ACACA: variants seen among roughly 807,000 people sequenced by gnomAD.
The protein encoded by ACACA is acetyl-CoA carboxylase 1.
A neutral mutation model predicts 296.1 loss-of-function variants in ACACA; 103 were observed. That is an observed-to-expected ratio of 0.35 (90% CI 0.30 to 0.41). ACACA has a LOEUF of 0.41. Ranked by LOEUF, ACACA falls within the 10% of genes least tolerant of loss-of-function variation. ACACA has a pLI of 1.00. For missense variants in ACACA, 1,554 were observed against 2,989.7 expected (o/e 0.52, Z 11.20); for synonymous variants, 953 against 1,038.6 (o/e 0.92, Z 1.58).
chr17:37,314,829 C>T (rs1324034893), intron 3 of ACACA, among the ~76,000 whole-genome samples: 2 of 150,382 alleles, frequency 1.3e-5, no homozygotes, highest in Non-Finnish European at 3.0e-5. Flanking sequence ...TTAGTAGAGA[C>T]GTGGTTTCAC....
At chr17:37,171,479 T>C (rs2144665602) in intron 41 of ACACA, among the ~76,000 whole-genome samples, 1 of 152,254 alleles carries the variant, frequency 6.6e-6, no homozygotes, top group African/African-American at 2.4e-5. Flanking sequence ...CTTCACATGA[T>C]CACAGAACAC....
At chr17:37,365,775 C>T in intron 1 of ACACA, 1 of 977,288 alleles carries the variant, frequency 1.0e-6, no homozygotes, top group Non-Finnish European at 1.2e-6. Context: ...TAGAATTGCA[C>T]AATGAAGGAC....
intron 47 of ACACA, among the ~76,000 whole-genome samples, chr17:37,128,932 C>T (rs886128716): frequency 6.6e-6 from 1 of 152,216 alleles, no homozygotes; most frequent in Non-Finnish European, 1.5e-5. Context: ...AAGTCATATT[C>T]TACACTGAAG....
At chr17:37,251,014 G>A (rs561917577) in intron 16 of ACACA, among the ~76,000 whole-genome samples, 26 of 152,260 alleles carry the variant, frequency 1.7e-4, no homozygotes, top group East Asian at 7.7e-4. Context: ...GCATCAGTGC[G>A]AGACTCTGTC....
chr17:37,369,129 T>C (rs1164747114), intron 1 of ACACA, among the ~76,000 whole-genome samples: 1 of 152,172 alleles, frequency 6.6e-6, no homozygotes, highest in Non-Finnish European at 1.5e-5. Context: ...AGATGATTGC[T>C]ACATGAAGAA....
At chr17:37,244,223 G>A (rs889533655) in intron 21 of ACACA, among the ~76,000 whole-genome samples, 11 of 151,222 alleles carry the variant, frequency 7.3e-5, no homozygotes, top group East Asian at 1.9e-4. Flanking sequence ...AAAATTAGCC[G>A]CGCCTGGTGG....
chr17:37,363,184 T>C lies in ACACA; in HGVS notation c.39-23334A>G, dbSNP rs578052579. Among the ~76,000 whole-genome samples, 316 of 120,448 alleles carry C rather than the reference T, an allele frequency of 2.6e-3. 4 individuals carry two copies. The highest frequency in any genetic ancestry group is 0.019 in the Admixed American group (232 of 12,066). The allele number at this position is 120,448 out of a possible 152,430, so 79.0% of individuals were successfully genotyped here. ...TCTTTTCTCTTTCTCTTTTTCTTTT[T>C]TTTTTTTTTTTTTTTTTTGAGACGG... is the stretch of plus-strand genomic sequence containing the variant. On this transcript the variant is annotated intron_variant, in intron 1 of 55. Coordinates refer to ENST00000616317, the MANE Select transcript of ACACA (RefSeq NM_198834.3).
chr17:37,111,161 A>G (rs2073952544), intron 52 of ACACA, among the ~76,000 whole-genome samples: 1 of 152,090 alleles, frequency 6.6e-6, no homozygotes, highest in Non-Finnish European at 1.5e-5. Context: ...TCAGAAATGA[A>G]GTGAGCTGTC....
intron 35 of ACACA, among the ~76,000 whole-genome samples, chr17:37,199,390 C>A (rs1286976860): frequency 1.3e-5 from 2 of 152,114 alleles, no homozygotes; most frequent in Non-Finnish European, 1.5e-5. Context: ...GGATTTCTGG[C>A]CTTACTGTTG....
intron 1 of ACACA, among the ~76,000 whole-genome samples, chr17:37,343,713 A>C (rs1273441654): frequency 6.6e-6 from 1 of 151,710 alleles, no homozygotes; most frequent in Admixed American, 6.6e-5. Flanking sequence ...GCAGTGAGCC[A>C]AGATTGTACC....
chr17:37,371,617 C>T (rs1285493724), intron 1 of ACACA, among the ~76,000 whole-genome samples: 3 of 151,830 alleles, frequency 2.0e-5, no homozygotes, highest in Admixed American at 6.6e-5. Flanking sequence ...AAAACGGCCG[C>T]GGCCAGGCCG....
In ACACA at chr17:37,210,498, T is replaced by C; in HGVS notation, c.3684-8A>G. 1 of 1,611,726 alleles carries C rather than the reference T, an allele frequency of 6.2e-7. No individual in the cohort carries two copies. Among genetic ancestry groups the C allele is most frequent in the Non-Finnish European group, 8.5e-7 (1 of 1,178,032 alleles). On this transcript the variant is annotated splice_polypyrimidine_tract_variant and splice_region_variant and intron_variant, in intron 29 of 55. Transcript: ENST00000616317. The stretch of plus-strand genomic sequence containing the variant: ...AGCGTAGGGATGTTCCCTCTGTAAT[T>C]AAACAACCACAGTTAGTTACTGATA...
At position 37,162,010 on chromosome 17, in the gene ACACA, T is replaced by A. The variant is rs753629706; in HGVS notation, c.5120A>T (p.Glu1707Val). The A allele has an allele frequency of 1.9e-6, 3 of 1,614,210 alleles. No individual in the cohort carries two copies. The highest frequency in any genetic ancestry group is 2.5e-6 in the Non-Finnish European group (3 of 1,180,026). The change falls in exon 42 of 56, where the codon GAA (glutamate) becomes GTA (valine). Residue 1707 changes from glutamate to valine, a missense_variant. Physicochemically the swap from Glu to Val is moderately radical, Grantham distance 121. This residue lies in a region of ACACA where 553 missense variants were observed against 1,043.6 expected (regional missense o/e 0.53). Transcript: ENST00000616317. Reference sequence around the variant, plus strand: ...AATGATATCTCGGCCTTCTGGATATTCAGGACTTTTAAAGGTCATTTTCCA... The same window carrying A: ...AATGATATCTCGGCCTTCTGGATATACAGGACTTTTAAAGGTCATTTTCCA... The part of the protein sequence containing the change: ...VAWKMTFKSP[E>V]YPEGRDIIVI...
At chr17:37,094,585 C>CT (rs1555543686) in intron 54 of ACACA, among the ~76,000 whole-genome samples, 1 of 122,568 alleles carries the variant, frequency 8.2e-6, no homozygotes, top group Non-Finnish European at 1.7e-5. Context: ...CCCCCCCCCC[C>CT]ACACCAAACA....
Position 37,223,501 on chromosome 17 carries a change from T to C in ACACA, c.3564+11A>G, listed in dbSNP as rs761868508. ...AGGAAAAGGTCATGTCCCATTACCA[T>C]AAATACTTACCTCCAGAGCTGCCAT... On this transcript the variant is annotated intron_variant, in intron 28 of 55. Transcript: ENST00000616317. The C allele has an allele frequency of 3.8e-6, 6 of 1,585,374 alleles. No individual in the cohort carries two copies. The South Asian group carries it at 6.6e-5, about 18-fold the overall frequency.
chr17:37,216,270 G>A (rs1276270705), intron 29 of ACACA, among the ~76,000 whole-genome samples: 1 of 151,346 alleles, frequency 6.6e-6, no homozygotes, highest in Non-Finnish European at 1.5e-5. Flanking sequence ...TTTAGCTGCT[G>A]TTCAAGTGAA....
At chr17:37,394,348 T>G (rs2051002073) in intron 1 of ACACA, among the ~76,000 whole-genome samples, 1 of 151,824 alleles carries the variant, frequency 6.6e-6, no homozygotes, top group African/African-American at 2.4e-5. Flanking sequence ...GTAGCTGGGA[T>G]TACAGGCATG....
intron 3 of ACACA, among the ~76,000 whole-genome samples, chr17:37,316,302 T>TACACACACACACACACACACAC (rs10533479): frequency 2.0e-4 from 28 of 142,590 alleles, no homozygotes; most frequent in African/African-American, 7.0e-4. Flanking sequence ...TACCCTTACA[T>TACACACACACACACACACACAC]ACACACACAC....
chr17:37,338,216 G>A, intron 2 of ACACA, among the ~76,000 whole-genome samples: 1 of 141,576 alleles, frequency 7.1e-6, no homozygotes, highest in Admixed American at 7.3e-5. Context: ...GACAGAGCGA[G>A]ACTCCGTCTC....
Sources: gnomAD v4.1 joint callset for allele counts (sites outside exome capture counted in the v4.1 genomes callset) on GRCh38, gnomAD v4.1.1 for gene constraint, gnomAD v4.1.1 regional missense constraint, MANE v1.5 for transcripts, NCBI Gene and HGNC (gene_info 2026-07-23, HGNC 2026-07-21) for gene names.